The following GAB2 variants were observed in gnomAD, a reference collection of about 807,000 sequenced individuals.
GAB2 encodes GRB2 associated binding protein 2, also known as GRB2-associated-binding protein 2.
In GAB2, 26 loss-of-function variants were observed where a neutral mutation model predicts 65.5. The ratio of observed to expected loss-of-function variants is 0.40; its 90% CI spans 0.29 to 0.55. The LOEUF (loss-of-function observed/expected upper bound fraction) is 0.55. GAB2 is among the 20% of genes least tolerant of loss of function. GAB2 has a pLI of 0.53. For synonymous variants in GAB2, 321 were observed against 329.6 expected (o/e 0.97, Z 0.28); for missense variants, 884 against 875.8 (o/e 1.01, Z -0.12).
chr11:78,283,572 A>C (rs539231138), intron 1 of GAB2, among the ~76,000 whole-genome samples: 1 of 152,186 alleles, frequency 6.6e-6, no homozygotes, highest in African/African-American at 2.4e-5. Context: ...CGAAGGCACT[A>C]TAATCAGGCT....
intron 1 of GAB2, among the ~76,000 whole-genome samples, chr11:78,317,239 C>T (rs1193541923): frequency 1.3e-5 from 2 of 152,142 alleles, no homozygotes; most frequent in Non-Finnish European, 2.9e-5. Context: ...AATATGAATG[C>T]ATTTAATGTC....
At chr11:78,274,002 GT>G (rs57942137) in intron 2 of GAB2, among the ~76,000 whole-genome samples, 38,277 of 148,040 alleles carry the variant, frequency 0.26, 5,552 homozygotes, top group East Asian at 0.4. Context: ...TATTAAACCT[GT>G]TTTTTTTTTT....
intron 4 of GAB2, 124 bp downstream of exon 4, chr11:78,226,341 G>T: frequency 1.3e-6 from 1 of 751,618 alleles, no homozygotes; most frequent in South Asian, 1.6e-5. Context: ...ATGTTTTTGA[G>T]TATCAGTGAC....
chr11:78,310,035 C>T, intron 1 of GAB2, among the ~76,000 whole-genome samples: 1 of 150,826 alleles, frequency 6.6e-6, no homozygotes, highest in Non-Finnish European at 1.5e-5. Flanking sequence ...GATTGGAAAG[C>T]CTTACAGGCA....
intron 8 of GAB2, among the ~76,000 whole-genome samples, chr11:78,221,101 T>TC (rs1395785994): frequency 6.6e-6 from 1 of 152,184 alleles, no homozygotes; most frequent in African/African-American, 2.4e-5. Context: ...GAGCACCACC[T>TC]CCTCTAGAAC....
At chr11:78,371,673 G>A (rs766824049) in intron 1 of GAB2, among the ~76,000 whole-genome samples, 21 of 152,198 alleles carry the variant, frequency 1.4e-4, no homozygotes, top group Non-Finnish European at 2.5e-4. Context: ...GCTTATAGCT[G>A]GGGCTAAGCA....
intron 1 of GAB2, among the ~76,000 whole-genome samples, chr11:78,346,695 ATAT>A (rs1856188549): frequency 1.0e-5 from 1 of 95,320 alleles, no homozygotes; most frequent in Non-Finnish European, 1.9e-5. Flanking sequence ...ATATATATAT[ATAT>A]ATATATATAT....
At chr11:78,383,351 T>C (rs1856721350) in intron 1 of GAB2, among the ~76,000 whole-genome samples, 1 of 151,972 alleles carries the variant, frequency 6.6e-6, no homozygotes, top group African/African-American at 2.4e-5. Flanking sequence ...ATACTACCAT[T>C]TCCATGAAAA....
At chr11:78,326,050 C>T (rs1358285100) in intron 1 of GAB2, among the ~76,000 whole-genome samples, 2 of 152,190 alleles carry the variant, frequency 1.3e-5, no homozygotes, top group South Asian at 2.1e-4. Context: ...TTTCATTTCA[C>T]AGATATTTTA....
At chr11:78,396,436 A>G (rs1733110233) in intron 1 of GAB2, among the ~76,000 whole-genome samples, 1 of 152,352 alleles carries the variant, frequency 6.6e-6, no homozygotes, top group South Asian at 2.1e-4. Flanking sequence ...TACACCTCAC[A>G]GTTTTTGTTT....
In GAB2 at chr11:78,390,675, C is replaced by T. The variant is rs116526573; in HGVS notation, c.75+26971G>A. On this transcript the variant is annotated intron_variant, in intron 1 of 9. Transcript: ENST00000361507. ...ACTTTGAGACAGATGTCCAATACCGCGATCTCCTCCAATAATGGGTTCATG... is the reference window on the plus strand; with the variant it reads ...ACTTTGAGACAGATGTCCAATACCGTGATCTCCTCCAATAATGGGTTCATG... Among the ~76,000 whole-genome samples the T allele has an allele frequency of 1.9e-3, 292 of 152,218 alleles. 3 individuals are homozygous for T. The highest frequency in any genetic ancestry group is 6.8e-3 in the Middle Eastern group (2 of 294).
At chr11:78,265,733 TTA>T (rs778007951) in intron 2 of GAB2, among the ~76,000 whole-genome samples, 2 of 152,202 alleles carry the variant, frequency 1.3e-5, no homozygotes, top group Non-Finnish European at 2.9e-5. Context: ...AAAGTACATG[TTA>T]TATGTTTCAA....
chr11:78,270,801 T>C (rs902624437), intron 2 of GAB2, among the ~76,000 whole-genome samples: 11 of 152,218 alleles, frequency 7.2e-5, no homozygotes, highest in Admixed American at 6.5e-5. Context: ...CTGTTCACAA[T>C]GTGTACCTGT....
At chr11:78,237,958 A>G (rs931536814) in intron 3 of GAB2, among the ~76,000 whole-genome samples, 25 of 152,336 alleles carry the variant, frequency 1.6e-4, no homozygotes, top group African/African-American at 5.8e-4. Context: ...GTTCTCACTT[A>G]TAAGTGGGAG....
At chr11:78,407,388 T>C (rs1857058503) in intron 1 of GAB2, among the ~76,000 whole-genome samples, 2 of 151,940 alleles carry the variant, frequency 1.3e-5, no homozygotes, top group Admixed American at 1.3e-4. Flanking sequence ...CCCAGCACTT[T>C]GGGAGGCTGA....
intron 2 of GAB2, among the ~76,000 whole-genome samples, chr11:78,279,482 T>G (rs1866271266): frequency 6.6e-6 from 1 of 152,106 alleles, no homozygotes; most frequent in Admixed American, 6.6e-5. Flanking sequence ...ACGCCATAAA[T>G]TTCAGCATTT....
intron 1 of GAB2, among the ~76,000 whole-genome samples, chr11:78,355,976 C>T (rs569779973): frequency 6.6e-6 from 1 of 151,856 alleles, no homozygotes; most frequent in South Asian, 2.1e-4. Context: ...AGTTCAAGAC[C>T]AGACTGGCCA....
intron 1 of GAB2, among the ~76,000 whole-genome samples, chr11:78,380,940 T>C (rs756363701): frequency 6.6e-6 from 1 of 152,196 alleles, no homozygotes; most frequent in Non-Finnish European, 1.5e-5. Flanking sequence ...AATGTTGTAA[T>C]CCTGTTAAAA....
At chr11:78,301,330 G>GTTTTTTT (rs373415325) in intron 1 of GAB2, among the ~76,000 whole-genome samples, 2 of 145,724 alleles carry the variant, frequency 1.4e-5, no homozygotes, top group African/African-American at 2.6e-5. Context: ...GTATCTTGTG[G>GTTTTTTT]TTTTTTGTTT....
Sources: gnomAD v4.1 joint callset for allele counts (sites outside exome capture counted in the v4.1 genomes callset) on GRCh38, gnomAD v4.1.1 for gene constraint, MANE v1.5 for transcripts, NCBI Gene and HGNC (gene_info 2026-07-23, HGNC 2026-07-21) for gene names.